BLVRA: variants seen among roughly 807,000 people sequenced by gnomAD.
The protein encoded by BLVRA is BVR A.
In BLVRA, 22 loss-of-function variants were observed where a neutral mutation model predicts 32.8. The ratio of observed to expected loss-of-function variants is 0.67; its 90% CI spans 0.48 to 0.96. The LOEUF (loss-of-function observed/expected upper bound fraction) is 0.96. BLVRA is among the 40% of genes least tolerant of loss of function. The pLI is 0.00. For synonymous variants in BLVRA, 119 were observed against 141.3 expected, an observed-to-expected ratio of 0.84 and a Z score of 1.12; for missense variants, 323 against 358.1, an observed-to-expected ratio of 0.90 and a Z score of 0.79.
chr7:43,803,600 A>ACCCCCCCC, intron 6 of BLVRA, 76 bp from the exon 7 acceptor site: 2 of 478,312 alleles, frequency 4.2e-6, no homozygotes, highest in East Asian at 1.1e-4. Flanking sequence ...CACCCCCGCC[A>ACCCCCCCC]CCCCCACCCC....
At chr7:43,770,880 G>A (rs536109494) in intron 1 of BLVRA, among the ~76,000 whole-genome samples, 4 of 152,324 alleles carry the variant, frequency 2.6e-5, no homozygotes, top group South Asian at 2.1e-4. Context: ...TGTAGGAGAC[G>A]GATCTGGGCT....
chr7:43,798,931 T>G (rs2095795724), intron 5 of BLVRA, among the ~76,000 whole-genome samples: 1 of 151,634 alleles, frequency 6.6e-6, no homozygotes, highest in Admixed American at 6.6e-5. Flanking sequence ...ACACAGAGAC[T>G]GTTACATAGT....
Position 43,805,644 on chromosome 7 carries a change from TTAATA to T in BLVRA, c.633-1322_633-1318del, listed in dbSNP as rs17246135. 3.5e-3 allele frequency among the ~76,000 whole-genome samples: 539 copies of T among 152,262 alleles called. 5 individuals are homozygous for T. Among genetic ancestry groups the T allele is most frequent in the Admixed American group, 0.031 (475 of 15,272 alleles). ...GATGAGGGATTGGGACAGAGAGCAG[TTAATA>T]TAATATAATAGTAACTTCTTAAAAT... On this transcript the variant is annotated intron_variant, in intron 7 of 7. Coordinates refer to ENST00000265523, the MANE Select transcript of BLVRA (RefSeq NM_000712.4).
At chr7:43,802,434 G>C (rs1165137996) in intron 6 of BLVRA, among the ~76,000 whole-genome samples, 1 of 152,080 alleles carries the variant, frequency 6.6e-6, no homozygotes, top group Admixed American at 6.5e-5. Flanking sequence ...ATTTTGGCTG[G>C]AGGCAGACGG....
At chr7:43,799,804 C>T (rs906715604) in intron 5 of BLVRA, among the ~76,000 whole-genome samples, 2 of 151,902 alleles carry the variant, frequency 1.3e-5, no homozygotes, top group Non-Finnish European at 2.9e-5. Flanking sequence ...TTTTATGCTG[C>T]ACTGCCTCCT....
intron 2 of BLVRA, among the ~76,000 whole-genome samples, chr7:43,775,224 C>T (rs1046999666): frequency 3.3e-5 from 5 of 152,078 alleles, no homozygotes; most frequent in Admixed American, 1.3e-4. Context: ...TGCCAGTTTT[C>T]AAAGGGAATG....
In BLVRA at chr7:43,806,703, G is replaced by C. The variant is rs192476442; in HGVS notation, c.633-274G>C. ...GCAGAGGTTGCAGTGGGTCGAGATT[G>C]CACCACTGCACTCCAGCCTGGGTGA... On this transcript the variant is annotated intron_variant, in intron 7 of 7. Coordinates refer to ENST00000265523, the MANE Select transcript of BLVRA (RefSeq NM_000712.4). 8.3e-4 allele frequency among the ~76,000 whole-genome samples: 126 copies of C among 152,258 alleles called. 1 individual carries two copies. In the East Asian group the frequency reaches 0.02, roughly 24 times the overall value.
chr7:43,768,753 G>A (rs1028027130), intron 1 of BLVRA, among the ~76,000 whole-genome samples: 5 of 152,052 alleles, frequency 3.3e-5, no homozygotes, highest in African/African-American at 1.2e-4. Context: ...GCACAGTAGG[G>A]TGTTGGGGAG....
chr7:43,772,135 C>T (rs1382277653), intron 2 of BLVRA, among the ~76,000 whole-genome samples: 1 of 152,232 alleles, frequency 6.6e-6, no homozygotes, highest in East Asian at 1.9e-4. Flanking sequence ...GAAGGGCAGG[C>T]TTCAGGGCTG....
chr7:43,764,008 G>A (rs1181573), intron 1 of BLVRA, among the ~76,000 whole-genome samples: 125,800 of 152,234 alleles, frequency 0.83, 52,421 homozygotes, highest in African/African-American at 0.94. Context: ...CAGATAACAC[G>A]TTGTGAAATC....
chr7:43,758,874 C>T (rs2095739236), intron 1 of BLVRA, 140 bp downstream of exon 1: 1 of 151,836 alleles, frequency 6.6e-6, no homozygotes, highest in Non-Finnish European at 1.5e-5. Flanking sequence ...CGGGACGCAG[C>T]CTGGGCGCCG....
In BLVRA at chr7:43,787,470, A is replaced by G. The variant is rs565733365; in HGVS notation, c.13-434A>G. On this transcript the variant is annotated intron_variant, in intron 2 of 7. Transcript: ENST00000265523. This position sits in a 1 kb window ranked among gnomAD's most constrained non-coding sequence, Gnocchi z 4.5. ...CATTTGCCTCCTCTGCCAGCATCTG[A>G]TGAAGAAGCTGTGCCCTCTGAATGA... Among the ~76,000 whole-genome samples, 1 of 152,258 alleles carries G rather than the reference A, an allele frequency of 6.6e-6. No homozygotes were observed. Among genetic ancestry groups the G allele is most frequent in the East Asian group, 1.9e-4 (1 of 5,174 alleles).
rs1289358391 is a variant in BLVRA, at chr7:43,800,533, G to C, written c.421G>C (p.Val141Leu). The C allele has an allele frequency of 6.2e-7, 1 of 1,614,062 alleles. No individual in the cohort carries two copies. The highest frequency in any genetic ancestry group is 1.7e-5 in the Admixed American group (1 of 60,026). The change falls in exon 6 of 8, where the codon GTG (valine) becomes CTG (leucine). Residue 141 changes from valine to leucine, a missense_variant. Physicochemically the swap from Val to Leu is conservative, Grantham distance 32 (BLOSUM62 1). Coordinates refer to ENST00000265523, the MANE Select transcript of BLVRA (RefSeq NM_000712.4). ...EEFAFLKKEVVGKDLLKGSLL... is the reference protein window; with the variant it reads ...EEFAFLKKEVLGKDLLKGSLL... ...ATTCGCTTTCCTGAAAAAAGAAGTGGTGGGGAAAGACCTGCTGAAAGGGTC... is the reference window on the plus strand; with the variant it reads ...ATTCGCTTTCCTGAAAAAAGAAGTGCTGGGGAAAGACCTGCTGAAAGGGTC...
intron 1 of BLVRA, among the ~76,000 whole-genome samples, chr7:43,759,732 G>T (rs575202342): frequency 6.6e-6 from 1 of 152,130 alleles, no homozygotes; most frequent in Non-Finnish European, 1.5e-5. Context: ...TCTATAGTAC[G>T]ATTCCCAAGA....
Position 43,807,303 on chromosome 7 carries a change from A to C in BLVRA, c.*68A>C. ...TGGTTCTTCTCAAGAGTTGACCATT[A>C]TCTCTATTCTTAAAATTAAACATGT... is the stretch of plus-strand genomic sequence containing the variant. On this transcript the variant is annotated 3_prime_UTR_variant, in exon 8 of 8. Transcript: ENST00000265523. 1 of 1,584,544 alleles carries C rather than the reference A, an allele frequency of 6.3e-7. No individual in the cohort carries two copies. The highest frequency in any genetic ancestry group is 8.6e-7 in the Non-Finnish European group (1 of 1,166,750).
Position 43,795,379 on chromosome 7 carries a change from G to A in BLVRA, c.352+2567G>A, listed in dbSNP as rs369434198. Among the ~76,000 whole-genome samples, 7 of 152,136 alleles carry A rather than the reference G, an allele frequency of 4.6e-5. No homozygotes were observed. The South Asian group carries it at 1.5e-3, about 32-fold the overall frequency. On this transcript the variant is annotated intron_variant, in intron 5 of 7. Transcript: ENST00000265523. ...AAAAATACAAAAATTAGCCAGGTGT[G>A]GTGGCGCGCACATATAGTCCCAGCT...
At position 43,758,680 on chromosome 7, in the gene BLVRA, G is replaced by C. The variant is rs1227082468; in HGVS notation, c.-76G>C. The C allele has an allele frequency of 6.6e-6, 1 of 152,210 alleles. No homozygotes were observed. Among genetic ancestry groups the C allele is most frequent in the Non-Finnish European group, 1.5e-5 (1 of 68,082 alleles). The allele number at this position is 152,210 out of a possible 1,614,324, so 9.4% of individuals were successfully genotyped here. On this transcript the variant is annotated 5_prime_UTR_variant, in exon 1 of 8. Transcript: ENST00000265523. ...CCAATCGGAGCTGGGATCCCGCCCC[G>C]GTCCGCAAAGCCGGTGGCGCCCGGA...
chr7:43,791,194 G>T, intron 3 of BLVRA, 55 bp from the exon 4 acceptor site: 1 of 1,610,196 alleles, frequency 6.2e-7, no homozygotes, highest in South Asian at 1.1e-5. Context: ...GAGAAGGATG[G>T]TGCTCCTTTC....
In BLVRA at chr7:43,803,870, G is replaced by A. The variant is rs748451663; in HGVS notation, c.632+23G>A. The stretch of plus-strand genomic sequence containing the variant: ...AAGGTAAGTCATGAGAAGCCATGAG[G>A]AGGAGGAAATTTAAGGACATCCTAG... On this transcript the variant is annotated intron_variant, in intron 7 of 7. Coordinates refer to ENST00000265523, the MANE Select transcript of BLVRA (RefSeq NM_000712.4). 3 of 1,613,020 alleles carry A rather than the reference G, an allele frequency of 1.9e-6. No individual in the cohort carries two copies. In the African/African-American group the frequency reaches 4.0e-5, roughly 22 times the overall value.
Sources: allele counts gnomAD v4.1 joint callset (sites outside exome capture counted in the v4.1 genomes callset), GRCh38; gene constraint gnomAD v4.1.1; non-coding constraint Gnocchi (gnomAD v3.1); transcripts MANE v1.5; gene names NCBI Gene and HGNC (gene_info 2026-07-23, HGNC 2026-07-21).